Variants in UPB1 observed in about 807,000 individuals in gnomAD.
UPB1 encodes beta-ureidopropionase 1, also known as beta-ureidopropionase.
In UPB1, 40 loss-of-function variants were observed where a neutral mutation model predicts 49.1. The ratio of observed to expected loss-of-function variants is 0.81; its 90% confidence interval spans 0.63 to 1.06. UPB1 has a LOEUF of 1.06. Ranked by LOEUF, UPB1 falls within the 50% of genes least tolerant of loss-of-function variation. UPB1 has a pLI of 0.00. For missense variants in UPB1, 499 were observed against 505.9 expected, an observed-to-expected ratio of 0.99 and a Z score of 0.13; for synonymous variants, 207 against 198.2, an observed-to-expected ratio of 1.04 and a Z score of -0.38.
chr22:24,497,949 C>T (rs543170557), intron 1 of UPB1, among the ~76,000 whole-genome samples: 76 of 152,280 alleles, frequency 5.0e-4, no homozygotes, highest in African/African-American at 1.8e-3. Flanking sequence ...AGTCAGGTGG[C>T]AGAGCTCTTG....
At chr22:24,497,565 G>A (rs2043915235) in intron 1 of UPB1, among the ~76,000 whole-genome samples, 2 of 152,186 alleles carry the variant, frequency 1.3e-5, no homozygotes, top group African/African-American at 4.8e-5. Flanking sequence ...AGGATGGGAA[G>A]TGAAGGGCTT....
At chr22:24,520,549 G>A in intron 7 of UPB1, 81 bp downstream of exon 7, 3 of 1,501,164 alleles carry the variant, frequency 2.0e-6, no homozygotes, top group African/African-American at 1.4e-5. Context: ...CTGCACACAT[G>A]CCACAAATCC....
intron 3 of UPB1, among the ~76,000 whole-genome samples, chr22:24,509,111 A>T (rs1017120505): frequency 2.0e-5 from 3 of 152,142 alleles, no homozygotes; most frequent in African/African-American, 7.2e-5. Flanking sequence ...GGGATATGGG[A>T]AACATTTACT....
In UPB1 at chr22:24,513,370, G is replaced by C. The variant is rs372357415; in HGVS notation, c.506G>C (p.Arg169Pro). 6.2e-7 allele frequency: 1 copy of C among 1,614,172 alleles called. No individual in the cohort carries two copies. Among genetic ancestry groups the C allele is most frequent in the East Asian group, 2.2e-5 (1 of 44,890 alleles). The change falls in exon 5 of 10, where the codon CGA becomes CCA. Residue 169 changes from arginine to proline, a missense_variant. Arg to Pro is a moderately radical substitution (Grantham distance 103). Transcript: ENST00000326010. ...GTGGTGGTGTCTCCCATCCTGGAAC[G>C]AGACAGCGAGCATGGGGATGTTTTG... The part of the protein sequence containing the change: ...DMVVVSPILE[R>P]DSEHGDVLWN...
rs1296665721 is a variant in UPB1, at chr22:24,513,451, A to G, written c.587A>G (p.Lys196Arg). The G allele has an allele frequency of 1.2e-6, 2 of 1,614,088 alleles. No homozygotes were observed. The highest frequency in any genetic ancestry group is 1.7e-6 in the Non-Finnish European group (2 of 1,180,050). ...NSGAVLGKTR[K>R]NHIPRVGDFN... is the part of the protein sequence containing the mutation. ...GGAGCAGTCCTGGGAAAGACCAGGA[A>G]AAACCACATCCCCAGAGTGGGTGAT... The change falls in exon 5 of 10, where the codon AAA becomes AGA. Residue 196 changes from lysine to arginine, a missense_variant. Physicochemically the swap from Lys to Arg is conservative, Grantham distance 26. Transcript: ENST00000326010.
intron 3 of UPB1, among the ~76,000 whole-genome samples, chr22:24,504,367 G>A (rs1381338282): frequency 1.3e-5 from 2 of 152,212 alleles, no homozygotes; most frequent in Non-Finnish European, 2.9e-5. Flanking sequence ...TCAGAAGTTT[G>A]AACACATTGT....
At chr22:24,502,009 C>T (rs1056434907) in intron 2 of UPB1, 117 bp from the exon 3 acceptor site, 25 of 1,017,700 alleles carry the variant, frequency 2.5e-5, no homozygotes, top group Non-Finnish European at 3.9e-5. Flanking sequence ...ACCTCCCCAC[C>T]CTACTCCTCA....
At chr22:24,505,109 A>G (rs1310273327) in intron 3 of UPB1, among the ~76,000 whole-genome samples, 2 of 151,268 alleles carry the variant, frequency 1.3e-5, no homozygotes, top group African/African-American at 2.4e-5. Flanking sequence ...CTCCTATTCA[A>G]CCTTTCATTT....
At chr22:24,505,280 C>T (rs2044070688) in intron 3 of UPB1, among the ~76,000 whole-genome samples, 1 of 152,032 alleles carries the variant, frequency 6.6e-6, no homozygotes, top group African/African-American at 2.4e-5. Context: ...GTCCTTATTC[C>T]AAGTTGGACG....
chr22:24,502,372 T>A (rs2044009141), intron 3 of UPB1, 159 bp downstream of exon 3: 1 of 836,600 alleles, frequency 1.2e-6, no homozygotes, highest in South Asian at 1.3e-5. Flanking sequence ...CCGGCCTCCC[T>A]GCTGTTACGC....
intron 2 of UPB1, among the ~76,000 whole-genome samples, chr22:24,500,594 G>A (rs1031827639): frequency 1.3e-5 from 2 of 152,224 alleles, no homozygotes; most frequent in African/African-American, 2.4e-5. Flanking sequence ...ACGGGACGCT[G>A]CCTCTCAGCT....
intron 1 of UPB1, 66 bp from the exon 2 acceptor site, chr22:24,500,041 G>C: frequency 6.2e-7 from 1 of 1,609,194 alleles, no homozygotes; most frequent in Middle Eastern, 1.7e-4. Context: ...CAAGAAATGG[G>C]AGAGAGATTT....
chr22:24,514,081 G>C (rs1010415732), intron 5 of UPB1, among the ~76,000 whole-genome samples: 3 of 152,196 alleles, frequency 2.0e-5, no homozygotes, highest in African/African-American at 7.2e-5. Flanking sequence ...GGTAAGATGG[G>C]AGCGGTGGAT....
chr22:24,497,892 C>T lies in UPB1; in HGVS notation c.105-2215C>T, dbSNP rs909963070. Among the ~76,000 whole-genome samples the T allele has an allele frequency of 3.9e-5, 6 of 152,192 alleles. No individual in the cohort carries two copies. The South Asian group carries it at 8.3e-4, about 21-fold the overall frequency. ...TGGTAGCTGGACAGCCCTTTGGGAACGTCCTAGTGAACACTGTCCTCAGCC... is the reference window on the plus strand; with the variant it reads ...TGGTAGCTGGACAGCCCTTTGGGAATGTCCTAGTGAACACTGTCCTCAGCC... On this transcript the variant is annotated intron_variant, in intron 1 of 9. Coordinates refer to ENST00000326010, the MANE Select transcript of UPB1 (RefSeq NM_016327.3).
At chr22:24,513,575 T>C in intron 5 of UPB1, 90 bp downstream of exon 5, 1 of 1,525,658 alleles carries the variant, frequency 6.6e-7, no homozygotes, top group Non-Finnish European at 8.9e-7. Context: ...GGGGAAGTTC[T>C]GTGCAGGATC....
chr22:24,513,234 C>G lies in UPB1; in HGVS notation c.460-90C>G, dbSNP rs939089932. The stretch of plus-strand genomic sequence containing the variant: ...TGCAAGTGGTTGCTCTGACCCAAGC[C>G]TATTGATTTAGTAGGATCATTCTTC... On this transcript the variant is annotated intron_variant, in intron 4 of 9. Transcript: ENST00000326010. 65 of 1,592,842 alleles carry G rather than the reference C, an allele frequency of 4.1e-5. No individual in the cohort carries two copies. The African/African-American group carries it at 8.3e-4, about 20-fold the overall frequency.
At chr22:24,514,873 A>G (rs562262511) in intron 5 of UPB1, among the ~76,000 whole-genome samples, 12 of 152,300 alleles carry the variant, frequency 7.9e-5, no homozygotes, top group Admixed American at 1.3e-4. Context: ...GTTAATGCCA[A>G]CCAAACCCGA....
At chr22:24,502,253 C>A in intron 3 of UPB1, 40 bp downstream of exon 3, 1 of 1,581,896 alleles carries the variant, frequency 6.3e-7, no homozygotes, top group Non-Finnish European at 8.7e-7. Flanking sequence ...TGCCTTCAAA[C>A]AATTGTGTAT....
At chr22:24,518,181 A>G (rs1257638911) in intron 6 of UPB1, 1 of 152,198 alleles carries the variant, frequency 6.6e-6, no homozygotes, top group South Asian at 2.1e-4. Flanking sequence ...GGGAAAGGCA[A>G]TGCATGTGAA....
Sources: gnomAD v4.1 joint callset for allele counts (sites outside exome capture counted in the v4.1 genomes callset) on GRCh38, gnomAD v4.1.1 for gene constraint, MANE v1.5 for transcripts, NCBI Gene and HGNC (gene_info 2026-07-23, HGNC 2026-07-21) for gene names.